The following MKLN1 variants were observed in gnomAD, a reference collection of about 807,000 sequenced individuals.
The protein encoded by MKLN1 is muskelin 1.
In MKLN1, 18 loss-of-function variants were observed where a neutral mutation model predicts 99.0. The ratio of observed to expected loss-of-function variants is 0.18; its 90% CI spans 0.13 to 0.27. The LOEUF (loss-of-function observed/expected upper bound fraction) is 0.27, where lower values mean the gene tolerates loss of function less well. Among genes scored for constraint, MKLN1 ranks in the 10% least tolerant of loss-of-function variants. The pLI, the probability that MKLN1 is intolerant of heterozygous loss-of-function variation, is 1.00. For missense variants in MKLN1, 621 were observed against 875.9 expected, an observed-to-expected ratio of 0.71 and a Z score of 3.67; for synonymous variants, 288 against 293.2, an observed-to-expected ratio of 0.98 and a Z score of 0.18.
intron 3 of MKLN1, among the ~76,000 whole-genome samples, chr7:131,205,148 CA>C (rs1796791309): frequency 1.3e-5 from 2 of 151,970 alleles, no homozygotes; most frequent in Non-Finnish European, 2.9e-5. Context: ...TGTCCCTCTG[CA>C]GCAACAATTC....
At chr7:131,156,470 AG>A (rs1795967405) in intron 2 of MKLN1, among the ~76,000 whole-genome samples, 1 of 150,730 alleles carries the variant, frequency 6.6e-6, no homozygotes, top group East Asian at 1.9e-4. Context: ...AAAAAAAAAA[AG>A]AAAAGTGACA....
At chr7:131,388,783 G>A in intron 3 of MKLN1, 101 bp from the exon 4 acceptor site, 1 of 686,260 alleles carries the variant, frequency 1.5e-6, no homozygotes, top group Non-Finnish European at 2.5e-6. Flanking sequence ...AATATTTTGA[G>A]CATGAGTTTA....
intron 3 of MKLN1, among the ~76,000 whole-genome samples, chr7:131,271,618 TA>T (rs757729397): frequency 0.14 from 14,232 of 102,246 alleles, 835 homozygotes; most frequent in South Asian, 0.37. Context: ...CTCCGTCTCC[TA>T]AAAAAAAAAA....
intron 3 of MKLN1, among the ~76,000 whole-genome samples, chr7:131,311,998 TA>T (rs1320857458): frequency 6.6e-6 from 1 of 150,558 alleles, no homozygotes; most frequent in African/African-American, 2.4e-5. Flanking sequence ...CTCAGGCAGG[TA>T]TTTTTTTTTG....
At chr7:131,405,680 G>T (rs895459278) in intron 6 of MKLN1, among the ~76,000 whole-genome samples, 2 of 151,926 alleles carry the variant, frequency 1.3e-5, no homozygotes, top group Non-Finnish European at 2.9e-5. Flanking sequence ...AAATGAAATG[G>T]CTCTTTGGAA....
chr7:131,408,060 A>C (rs1035493601), intron 6 of MKLN1, among the ~76,000 whole-genome samples: 1 of 151,952 alleles, frequency 6.6e-6, no homozygotes, highest in African/African-American at 2.4e-5. Context: ...TTTCATACTT[A>C]CCTTCTAGGT....
At chr7:131,414,494 C>T (rs949570902) in intron 7 of MKLN1, 151 bp from the exon 8 acceptor site, 13 of 475,444 alleles carry the variant, frequency 2.7e-5, no homozygotes, top group Non-Finnish European at 4.9e-5. Flanking sequence ...TTGAGTCATA[C>T]TGTTACTTTT....
intron 13 of MKLN1, among the ~76,000 whole-genome samples, chr7:131,463,621 G>A (rs751690168): frequency 7.9e-5 from 12 of 152,150 alleles, no homozygotes; most frequent in Non-Finnish European, 1.2e-4. Context: ...TCTAGGTTCC[G>A]TTCTCAAGTA....
intron 1 of MKLN1, among the ~76,000 whole-genome samples, chr7:131,142,312 G>C (rs2116261241): frequency 6.6e-6 from 1 of 151,994 alleles, no homozygotes; most frequent in South Asian, 2.1e-4. Flanking sequence ...TCGGGGGGCT[G>C]AAGCAAGAGA....
chr7:131,160,682 C>CT lies in MKLN1; in HGVS notation c.-297+17759dup, dbSNP rs5887499. Among the ~76,000 whole-genome samples, 312 of 119,528 alleles carry CT rather than the reference C, an allele frequency of 2.6e-3. 1 individual carries two copies. Among genetic ancestry groups the CT allele is most frequent in the East Asian group, 0.01 (43 of 4,210 alleles). 78.4% of individuals were successfully genotyped at this position (119,528 alleles called of 152,430 possible). On this transcript the variant is annotated intron_variant, in intron 2 of 7. Coordinates refer to the MKLN1 transcript ENST00000416992. ...TATAGGCATGTGCCACCACACTGTGCTTTTTTTTTTTTTTTTTTGGCATTT... is the reference window on the plus strand; with the variant it reads ...TATAGGCATGTGCCACCACACTGTGCTTTTTTTTTTTTTTTTTTTGGCATTT...
Position 131,293,724 on chromosome 7 carries a change from T to C in MKLN1, c.-178-81700T>C, listed in dbSNP as rs9986807. Among the ~76,000 whole-genome samples the C allele has an allele frequency of 1.3e-3, 200 of 152,312 alleles. 1 individual carries two copies. The highest frequency in any genetic ancestry group is 4.7e-3 in the African/African-American group (197 of 41,572). On this transcript the variant is annotated intron_variant, in intron 3 of 7. Coordinates refer to the MKLN1 transcript ENST00000416992. ...CAGAGGCTGAAGCAAGAGGATCACT[T>C]GAGACCAGGAGTTTGAGGCTGCAGT... is the stretch of plus-strand genomic sequence containing the variant.
In MKLN1 at chr7:131,230,085, A is replaced by G. The variant is rs1797219774; in HGVS notation, c.-179+27111A>G. 2.0e-5 allele frequency among the ~76,000 whole-genome samples: 3 copies of G among 152,364 alleles called. 1 individual carries two copies. In the South Asian group the frequency reaches 6.2e-4, roughly 32 times the overall value. ...ATACCAGGTTAATTTTTAAAAACCC[A>G]TTTAACAAGATTCTGTGGTTTGTAG... On this transcript the variant is annotated intron_variant, in intron 3 of 7. Coordinates refer to the MKLN1 transcript ENST00000416992.
intron 1 of MKLN1, among the ~76,000 whole-genome samples, chr7:131,356,429 C>G (rs1423889754): frequency 6.6e-5 from 10 of 152,116 alleles, no homozygotes; most frequent in Non-Finnish European, 1.3e-4. Flanking sequence ...TAGCTACCCA[C>G]TGTAACATTT....
At chr7:131,380,463 A>C (rs1793810471) in intron 2 of MKLN1, among the ~76,000 whole-genome samples, 1 of 152,242 alleles carries the variant, frequency 6.6e-6, no homozygotes, top group Non-Finnish European at 1.5e-5. Flanking sequence ...TACAATACCC[A>C]AAATGCAAAT....
At chr7:131,272,642 T>G (rs1263028299) in intron 3 of MKLN1, among the ~76,000 whole-genome samples, 1 of 152,134 alleles carries the variant, frequency 6.6e-6, no homozygotes, top group Non-Finnish European at 1.5e-5. Flanking sequence ...AAAAAGAGGT[T>G]TAATTGGACT....
At chr7:131,461,256 G>GTTT (rs35970015) in intron 12 of MKLN1, among the ~76,000 whole-genome samples, 2 of 145,974 alleles carry the variant, frequency 1.4e-5, no homozygotes, top group African/African-American at 5.0e-5. Context: ...TTTGTTTGCG[G>GTTT]TTTTTTTTTT....
intron 3 of MKLN1, among the ~76,000 whole-genome samples, chr7:131,260,861 T>C (rs1797722663): frequency 6.6e-6 from 1 of 151,774 alleles, no homozygotes; most frequent in African/African-American, 2.4e-5. Flanking sequence ...CCATCTGATG[T>C]TTGACAAAGT....
At chr7:131,196,605 A>G (rs1469552945) in intron 2 of MKLN1, among the ~76,000 whole-genome samples, 1 of 152,076 alleles carries the variant, frequency 6.6e-6, no homozygotes, top group African/African-American at 2.4e-5. Context: ...ATAGAGTGGC[A>G]CCTACTTATG....
chr7:131,313,803 G>A (rs1798613419), intron 3 of MKLN1, among the ~76,000 whole-genome samples: 1 of 152,214 alleles, frequency 6.6e-6, no homozygotes. Context: ...AAGGAGCAGG[G>A]CCATCAAAGC....
Sources: gnomAD v4.1 joint callset for allele counts (sites outside exome capture counted in the v4.1 genomes callset) on GRCh38, gnomAD v4.1.1 for gene constraint, MANE v1.5 for transcripts, NCBI Gene and HGNC (gene_info 2026-07-23, HGNC 2026-07-21) for gene names.